The following APBB1IP variants were observed in gnomAD, a reference collection of about 807,000 sequenced individuals.
APBB1IP encodes the protein amyloid beta precursor protein binding family B member 1 interacting protein.
Under a neutral mutation model 64.9 loss-of-function variants are expected in APBB1IP, and 27 were observed. That is an observed-to-expected ratio of 0.42 (90% CI 0.31 to 0.57). The LOEUF (loss-of-function observed/expected upper bound fraction) is 0.57. APBB1IP is among the 20% of genes least tolerant of loss of function. The pLI is 0.20. For synonymous variants in APBB1IP, 392 were observed against 331.0 expected (o/e 1.18, Z -2.00); for missense variants, 812 against 845.5 (o/e 0.96, Z 0.49).
At chr10:26,515,502 A>G (rs1034197445) in intron 8 of APBB1IP, among the ~76,000 whole-genome samples, 1 of 152,224 alleles carries the variant, frequency 6.6e-6, no homozygotes, top group Non-Finnish European at 1.5e-5. Context: ...AGCTACAAGG[A>G]AAGCTGACAA....
Position 26,449,353 on chromosome 10 carries a change from CT to C in APBB1IP, c.-1+10509del, listed in dbSNP as rs541202557. Among the ~76,000 whole-genome samples, 7 of 151,502 alleles carry C rather than the reference CT, an allele frequency of 4.6e-5. No individual in the cohort carries two copies. In the South Asian group the frequency reaches 1.3e-3, roughly 27 times the overall value. On this transcript the variant is annotated intron_variant, in intron 2 of 14. Transcript: ENST00000376236. ...AGAGAGAGAGAATAAATGACTGACACTTTTTTTTTCCACTGCTGGTTTTAGA... is the reference window on the plus strand; with the variant it reads ...AGAGAGAGAGAATAAATGACTGACACTTTTTTTTCCACTGCTGGTTTTAGA...
At chr10:26,547,119 G>GT (rs1271205897) in intron 11 of APBB1IP, among the ~76,000 whole-genome samples, 1 of 152,108 alleles carries the variant, frequency 6.6e-6, no homozygotes, top group Admixed American at 6.5e-5. Context: ...TCTCATTGTA[G>GT]TTTTGATTTG....
intron 2 of APBB1IP, among the ~76,000 whole-genome samples, chr10:26,463,606 C>T (rs1375128237): frequency 2.6e-5 from 4 of 152,088 alleles, no homozygotes; most frequent in African/African-American, 9.7e-5. Context: ...TGGCTCAAGA[C>T]CCACCTTTGG....
intron 2 of APBB1IP, among the ~76,000 whole-genome samples, chr10:26,463,225 G>A (rs1835613216): frequency 6.6e-6 from 1 of 152,152 alleles, no homozygotes; most frequent in Admixed American, 6.5e-5. Context: ...ATCATTTGGT[G>A]CTAGGAGTTC....
chr10:26,513,703 G>GT (rs765382723), intron 8 of APBB1IP, 43 bp downstream of exon 8: 1 of 1,504,478 alleles, frequency 6.6e-7, no homozygotes, highest in South Asian at 1.3e-5. Context: ...AAGTACAAAG[G>GT]ATTTTTTTTT....
At chr10:26,555,636 C>G (rs757455811) in intron 11 of APBB1IP, among the ~76,000 whole-genome samples, 1 of 152,136 alleles carries the variant, frequency 6.6e-6, no homozygotes, top group East Asian at 1.9e-4. Flanking sequence ...AGGGTCTCCT[C>G]CAGCCCAGTC....
At chr10:26,546,066 T>C (rs1187546462) in intron 11 of APBB1IP, among the ~76,000 whole-genome samples, 2 of 152,234 alleles carry the variant, frequency 1.3e-5, no homozygotes, top group East Asian at 3.8e-4. Flanking sequence ...GTCAGAAAGA[T>C]TGGCGTCTGA....
rs781009429 is a variant in APBB1IP at position 26,567,145 on chromosome 10, T to C, written c.1658T>C (p.Phe553Ser). Residue 553 changes from phenylalanine (F) to serine (S), a missense_variant, in exon 15 of 15, where the codon TTC (phenylalanine) becomes TCC (serine). Around this residue, in one of 3 missense-constraint regions of APBB1IP, gnomAD observed 381 missense variants for 352.1 expected, o/e 1.08. Coordinates refer to ENST00000376236, the MANE Select transcript of APBB1IP (RefSeq NM_019043.4). ...GGCTTGCCCGCCCCACCCGACGACTTCCTGCCGCCGCCGCCACCGCCGCCG... is the reference window on the plus strand; with the variant it reads ...GGCTTGCCCGCCCCACCCGACGACTCCCTGCCGCCGCCGCCACCGCCGCCG... ...GGGLPAPPDD[F>S]LPPPPPPPPL... 79 of 1,417,942 alleles carry C rather than the reference T, an allele frequency of 5.6e-5. No individual in the cohort carries two copies. In the Middle Eastern group the frequency reaches 1.3e-3, roughly 23 times the overall value. 87.8% of individuals were successfully genotyped at this position (1,417,942 alleles called of 1,614,324 possible). A position where few individuals can be genotyped will look rare whatever the true frequency, so the allele number is the denominator to read the frequency against.
chr10:26,481,276 G>T (rs1835831575), intron 2 of APBB1IP, among the ~76,000 whole-genome samples: 1 of 152,024 alleles, frequency 6.6e-6, no homozygotes, highest in African/African-American at 2.4e-5. Context: ...ACATTTTTGG[G>T]TGTTGTTCAG....
intron 2 of APBB1IP, 117 bp from the exon 3 acceptor site, chr10:26,492,210 C>G: frequency 1.2e-6 from 1 of 831,254 alleles, no homozygotes; most frequent in Non-Finnish European, 2.0e-6. Flanking sequence ...CAATATAGTC[C>G]TCTCCCAACT....
intron 2 of APBB1IP, among the ~76,000 whole-genome samples, chr10:26,471,616 A>G (rs941364423): frequency 6.6e-6 from 1 of 152,160 alleles, no homozygotes. Context: ...CAGTCACAGA[A>G]ATGACCGTAA....
intron 2 of APBB1IP, among the ~76,000 whole-genome samples, chr10:26,456,576 T>C (rs1010497933): frequency 6.6e-6 from 1 of 151,826 alleles, no homozygotes; most frequent in African/African-American, 2.4e-5. Flanking sequence ...GGTGGCATTA[T>C]AGAAGCTGAT....
chr10:26,494,497 C>T (rs185130359), intron 3 of APBB1IP, among the ~76,000 whole-genome samples: 9 of 152,276 alleles, frequency 5.9e-5, no homozygotes, highest in African/African-American at 2.2e-4. Flanking sequence ...AATGAATAGA[C>T]TGTGTTTTGA....
chr10:26,449,822 C>T (rs1015738540), intron 2 of APBB1IP, among the ~76,000 whole-genome samples: 2 of 152,008 alleles, frequency 1.3e-5, no homozygotes, highest in African/African-American at 2.4e-5. Flanking sequence ...CCAGCTTGGG[C>T]AATACAATGA....
At chr10:26,445,142 A>T (rs1295835701) in intron 2 of APBB1IP, among the ~76,000 whole-genome samples, 1 of 87,270 alleles carries the variant, frequency 1.1e-5, no homozygotes, top group Non-Finnish European at 2.9e-5. Context: ...GAAAGAAAGA[A>T]AGAAAGAAAG....
rs777662853 is a variant in APBB1IP, at chr10:26,567,353, G to C, written c.1866G>C (p.Ala622=). The C allele has an allele frequency of 1.8e-5, 26 of 1,482,664 alleles. No individual in the cohort carries two copies. In the Admixed American group the frequency reaches 4.4e-4, roughly 25 times the overall value. The allele number at this position is 1,482,664 out of a possible 1,614,324, so 91.8% of individuals were successfully genotyped here. ...PVPDSARPPP[A]VAKRPPVPPK... is the part of the protein sequence containing the mutation. ...CCGACTCCGCCAGGCCGCCCCCCGC[G>C]GTGGCCAAGAGGCCTCCTGTGCCCC... Residue 622 remains alanine, a synonymous_variant, in exon 15 of 15, where the codon GCG becomes GCC. Coordinates refer to ENST00000376236, the MANE Select transcript of APBB1IP (RefSeq NM_019043.4).
intron 2 of APBB1IP, among the ~76,000 whole-genome samples, chr10:26,468,773 C>T (rs904336203): frequency 1.3e-5 from 2 of 152,206 alleles, no homozygotes; most frequent in Admixed American, 1.3e-4. Context: ...CTGGCTTGTT[C>T]CTGCTCCTGT....
intron 6 of APBB1IP, among the ~76,000 whole-genome samples, chr10:26,508,786 T>C (rs1306004099): frequency 6.6e-6 from 1 of 152,188 alleles, no homozygotes; most frequent in Non-Finnish European, 1.5e-5. Context: ...ATTGTGGACA[T>C]TCATAAGTAC....
intron 2 of APBB1IP, among the ~76,000 whole-genome samples, chr10:26,453,339 G>A (rs1477725669): frequency 1.3e-5 from 2 of 152,184 alleles, no homozygotes; most frequent in Admixed American, 6.5e-5. Context: ...AGATGGAGAT[G>A]AAATTGGAGT....
Sources: allele counts gnomAD v4.1 joint callset (sites outside exome capture counted in the v4.1 genomes callset), GRCh38; gene constraint gnomAD v4.1.1; regional missense constraint gnomAD v4.1.1; transcripts MANE v1.5; gene names NCBI Gene and HGNC (gene_info 2026-07-23, HGNC 2026-07-21).